The following RALYL variants were observed in gnomAD, a reference collection of about 807,000 sequenced individuals.
RALYL encodes RALY RNA binding protein like.
In RALYL, 29 loss-of-function variants were observed where a neutral mutation model predicts 35.1. That is an observed-to-expected ratio of 0.83 (90% CI 0.61 to 1.13). The LOEUF is 1.13. RALYL is among the 50% of genes most tolerant of loss of function. The pLI is 0.00. For missense variants in RALYL, 359 were observed against 360.4 expected, an observed-to-expected ratio of 1.00 and a Z score of 0.03; for synonymous variants, 120 against 127.6, an observed-to-expected ratio of 0.94 and a Z score of 0.40.
intron 1 of RALYL, among the ~76,000 whole-genome samples, chr8:84,289,309 T>G (rs960799302): frequency 2.0e-5 from 3 of 151,952 alleles, no homozygotes; most frequent in Non-Finnish European, 4.4e-5. Context: ...ATAGGAAAAA[T>G]TTACTATTGC....
chr8:84,845,569 G>C lies in RALYL; in HGVS notation c.366-4411G>C, dbSNP rs549828911. Reference sequence around the variant, plus strand: ...AGTTTCTTACAGATTCTGGATATTAGACCTTTGTCAGATGCACAGTTTATG... The same window carrying C: ...AGTTTCTTACAGATTCTGGATATTACACCTTTGTCAGATGCACAGTTTATG... On this transcript the variant is annotated intron_variant, in intron 4 of 8. Coordinates refer to ENST00000521268, the MANE Select transcript of RALYL (RefSeq NM_173848.7). Among the ~76,000 whole-genome samples the C allele has an allele frequency of 3.3e-5, 5 of 152,220 alleles. No individual in the cohort carries two copies. The South Asian group carries it at 1.0e-3, about 32-fold the overall frequency.
chr8:84,402,511 C>T (rs922170287), intron 1 of RALYL, among the ~76,000 whole-genome samples: 1 of 152,102 alleles, frequency 6.6e-6, no homozygotes, highest in African/African-American at 2.4e-5. Context: ...AACTACCTAC[C>T]AGTTAACTGA....
At chr8:84,197,540 T>C (rs1023070758) in intron 1 of RALYL, among the ~76,000 whole-genome samples, 16 of 152,216 alleles carry the variant, frequency 1.1e-4, no homozygotes, top group African/African-American at 3.6e-4. Context: ...ATTTAGCATG[T>C]ATCAGGTGTT....
At chr8:84,316,996 A>C (rs1482550416) in intron 1 of RALYL, among the ~76,000 whole-genome samples, 1 of 152,164 alleles carries the variant, frequency 6.6e-6, no homozygotes, top group East Asian at 1.9e-4. Flanking sequence ...AGGTATTCTC[A>C]AAAGCACTCC....
chr8:84,739,404 A>G (rs944605979), intron 2 of RALYL, among the ~76,000 whole-genome samples: 2 of 151,880 alleles, frequency 1.3e-5, no homozygotes, highest in African/African-American at 4.8e-5. Flanking sequence ...GTAAAATAAG[A>G]TAATATAAAT....
intron 2 of RALYL, among the ~76,000 whole-genome samples, chr8:84,546,693 C>T (rs1453396777): frequency 6.6e-6 from 1 of 152,130 alleles, no homozygotes; most frequent in African/African-American, 2.4e-5. Context: ...TACTCTGGCA[C>T]AATATGAATT....
intron 1 of RALYL, among the ~76,000 whole-genome samples, chr8:84,236,333 G>T (rs1418024421): frequency 6.6e-6 from 1 of 152,074 alleles, no homozygotes; most frequent in African/African-American, 2.4e-5. Context: ...TTAAGCACAG[G>T]CAGTGAATTG....
chr8:84,310,776 G>A (rs983698565), intron 1 of RALYL, among the ~76,000 whole-genome samples: 9 of 138,016 alleles, frequency 6.5e-5, no homozygotes, highest in African/African-American at 2.3e-4. Flanking sequence ...GGCCGGGTGC[G>A]GTGGCTCACG....
At chr8:84,526,964 A>C (rs2058948342) in intron 1 of RALYL, among the ~76,000 whole-genome samples, 1 of 152,132 alleles carries the variant, frequency 6.6e-6, no homozygotes, top group Non-Finnish European at 1.5e-5. Context: ...TAATTTAGTC[A>C]CTGTTACTCC....
At chr8:84,201,075 G>C (rs922159506) in intron 1 of RALYL, among the ~76,000 whole-genome samples, 11 of 152,006 alleles carry the variant, frequency 7.2e-5, no homozygotes, top group African/African-American at 2.7e-4. Flanking sequence ...TAAAGTTCAG[G>C]GTTAAGATAG....
intron 2 of RALYL, among the ~76,000 whole-genome samples, chr8:84,653,965 C>T (rs544923276): frequency 2.6e-5 from 4 of 150,956 alleles, no homozygotes; most frequent in Non-Finnish European, 4.4e-5. Flanking sequence ...CTCTGTCTGC[C>T]GCTCTGAAAG....
At chr8:84,751,796 A>G (rs904204202) in intron 2 of RALYL, among the ~76,000 whole-genome samples, 4 of 152,130 alleles carry the variant, frequency 2.6e-5, no homozygotes, top group African/African-American at 9.7e-5. Flanking sequence ...GCCTCCCAAG[A>G]AGCACATGCC....
At chr8:84,677,786 C>CT (rs751027062) in intron 2 of RALYL, among the ~76,000 whole-genome samples, 23 of 152,250 alleles carry the variant, frequency 1.5e-4, no homozygotes, top group East Asian at 3.9e-4. Flanking sequence ...CGTGAAATGA[C>CT]TTTTTTTATG....
intron 2 of RALYL, among the ~76,000 whole-genome samples, chr8:84,653,250 C>T (rs1829229134): frequency 6.6e-6 from 1 of 152,030 alleles, no homozygotes. Flanking sequence ...CAATATTCAA[C>T]AAAATAGGTT....
At chr8:84,774,498 GAAAAAT>G (rs1816352447) in intron 2 of RALYL, 75 bp from the exon 3 acceptor site, 1 of 923,256 alleles carries the variant, frequency 1.1e-6, no homozygotes, top group Admixed American at 2.5e-5. Context: ...ATAGTAAAAA[GAAAAAT>G]AAAAGTTCAT....
chr8:84,284,330 C>T (rs1052691820), intron 1 of RALYL, among the ~76,000 whole-genome samples: 4 of 152,036 alleles, frequency 2.6e-5, no homozygotes, highest in Non-Finnish European at 5.9e-5. Context: ...GAAAATTGCT[C>T]GGTTTGAAAG....
At chr8:84,913,081 T>TAGAC (rs1445683373) in intron 8 of RALYL, among the ~76,000 whole-genome samples, 41 of 151,956 alleles carry the variant, frequency 2.7e-4, no homozygotes, top group African/African-American at 9.2e-4. Context: ...GATAGATAGA[T>TAGAC]AGATAGATAC....
intron 3 of RALYL, among the ~76,000 whole-genome samples, chr8:84,778,171 T>C (rs1817294216): frequency 6.6e-6 from 1 of 152,212 alleles, no homozygotes; most frequent in South Asian, 2.1e-4. Context: ...TTTACCTTCC[T>C]GCTCTAAACT....
At chr8:84,517,674 G>A (rs1244541930) in intron 1 of RALYL, among the ~76,000 whole-genome samples, 1 of 152,110 alleles carries the variant, frequency 6.6e-6, no homozygotes, top group South Asian at 2.1e-4. Context: ...GTATTCAAAA[G>A]GGAGATGTAA....
Sources: allele counts gnomAD v4.1 joint callset (sites outside exome capture counted in the v4.1 genomes callset), GRCh38; gene constraint gnomAD v4.1.1; transcripts MANE v1.5; gene names NCBI Gene and HGNC (gene_info 2026-07-23, HGNC 2026-07-21).